Variants in ADA2 observed in about 807,000 individuals in gnomAD.
The protein encoded by ADA2 is adenosine deaminase CECR1.
In ADA2, 29 loss-of-function variants were observed where a neutral mutation model predicts 44.2. The observed-to-expected ratio is 0.66, with a 90% CI of 0.49 to 0.89. The LOEUF (loss-of-function observed/expected upper bound fraction) is 0.89, where lower values mean the gene tolerates loss of function less well. Ranked by LOEUF, ADA2 falls within the 40% of genes least tolerant of loss-of-function variation. ADA2 has a pLI of 0.00. For synonymous variants in ADA2, 215 were observed against 234.9 expected, an observed-to-expected ratio of 0.92 and a Z score of 0.77; for missense variants, 637 against 644.8, an observed-to-expected ratio of 0.99 and a Z score of 0.13.
intron 2 of ADA2, among the ~76,000 whole-genome samples, chr22:17,208,433 A>G (rs2062378729): frequency 9.5e-6 from 1 of 105,240 alleles, no homozygotes; most frequent in Admixed American, 9.6e-5. Flanking sequence ...CAAAAAAAAA[A>G]AGAAAAAAAA....
intron 4 of ADA2, chr22:17,199,529 A>G (rs1472925477): frequency 6.3e-7 from 1 of 1,591,432 alleles, no homozygotes; most frequent in South Asian, 1.1e-5. Flanking sequence ...GGATTTGCCC[A>G]ACAGGAAGTT....
Position 17,209,679 on chromosome 22 carries a change from G to A in ADA2, c.-2C>T, listed in dbSNP as rs537682205. The A allele has an allele frequency of 7.3e-5, 117 of 1,609,880 alleles. No individual in the cohort carries two copies. Among genetic ancestry groups the A allele is most frequent in the South Asian group, 5.2e-4 (47 of 90,932 alleles). The stretch of plus-strand genomic sequence containing the variant: ...CTCAGATGGGCCATCCACCAACATC[G>A]GGATGCCTGGACTAGGAAAGGGCTC... On this transcript the variant is annotated 5_prime_UTR_variant, in exon 2 of 10. Coordinates refer to ENST00000399837, the MANE Select transcript of ADA2 (RefSeq NM_001282225.2).
At chr22:17,208,936 C>G (rs1300895357) in intron 2 of ADA2, among the ~76,000 whole-genome samples, 1 of 151,966 alleles carries the variant, frequency 6.6e-6, no homozygotes, top group East Asian at 1.9e-4. Flanking sequence ...TCAAGCGATA[C>G]TCTCCACTCA....
At chr22:17,210,714 C>T (rs1235438817) in intron 1 of ADA2, among the ~76,000 whole-genome samples, 1 of 152,104 alleles carries the variant, frequency 6.6e-6, no homozygotes, top group Non-Finnish European at 1.5e-5. Flanking sequence ...TCTCGTGCCT[C>T]AGCCTCCCAA....
At chr22:17,216,057 T>C (rs929868482) in intron 1 of ADA2, among the ~76,000 whole-genome samples, 2 of 151,266 alleles carry the variant, frequency 1.3e-5, no homozygotes, top group African/African-American at 2.4e-5. Flanking sequence ...CGTGGTGGCG[T>C]GCACCTGTAA....
At chr22:17,199,918 G>A (rs1479855666) in intron 4 of ADA2, 2 of 369,810 alleles carry the variant, frequency 5.4e-6, no homozygotes, top group East Asian at 1.4e-4. Flanking sequence ...CATCTCGCCA[G>A]GCGCGGTGGC....
intron 3 of ADA2, among the ~76,000 whole-genome samples, chr22:17,206,327 C>T (rs1201290525): frequency 2.0e-5 from 3 of 151,994 alleles, no homozygotes; most frequent in Non-Finnish European, 4.4e-5. Flanking sequence ...CATGGTGGCA[C>T]ATGTCTGTAA....
upstream of ADA2, among the ~76,000 whole-genome samples, chr22:17,221,391 A>G (rs955750776): frequency 2.0e-5 from 3 of 152,064 alleles, no homozygotes; most frequent in African/African-American, 7.2e-5. Context: ...GCACCCATCA[A>G]CACATCATTT....
chr22:17,208,789 T>C (rs148637546), intron 2 of ADA2, among the ~76,000 whole-genome samples: 1,997 of 151,378 alleles, frequency 0.013, 38 homozygotes, highest in African/African-American at 0.046. Flanking sequence ...GGCAACAGAG[T>C]GAGACTCTGT....
chr22:17,191,781 G>A lies in ADA2; in HGVS notation c.783C>T (p.Asp261=), dbSNP rs150249309. 1.6e-4 allele frequency: 257 copies of A among 1,613,492 alleles called. No homozygotes were observed. The African/African-American group carries it at 3.1e-3, about 19-fold the overall frequency. The part of the protein sequence containing the change: ...PVYELSGEHH[D]EEWSVKTYQE... ...GGTAAGTCTTCACTGACCACTCTTC[G>A]TCATGGTGCTCTCCACTGAGCTCAT... is the stretch of plus-strand genomic sequence containing the variant. The change falls in exon 5 of 10, where the codon GAC becomes GAT. Residue 261 remains aspartate, a synonymous_variant. Coordinates refer to ENST00000399837, the MANE Select transcript of ADA2 (RefSeq NM_001282225.2).
chr22:17,207,203 C>A lies in ADA2; in HGVS notation c.410G>T (p.Cys137Phe). 3 of 1,614,168 alleles carry A rather than the reference C, an allele frequency of 1.9e-6. No individual in the cohort carries two copies. Among genetic ancestry groups the A allele is most frequent in the Non-Finnish European group, 1.7e-6 (2 of 1,179,992 alleles). ...CTGCATGATCCCCCTTGGGGTGAAACAGATGTGGCAGTGAGGCCTGTAGGT... is the reference window on the plus strand; with the variant it reads ...CTGCATGATCCCCCTTGGGGTGAAAAAGATGTGGCAGTGAGGCCTGTAGGT... ...NVTYRPHCHICFTPRGIMQFR... is the reference protein window; with the variant it reads ...NVTYRPHCHIFFTPRGIMQFR... The change falls in exon 3 of 10, where the codon TGT (cysteine) becomes TTT (phenylalanine). Residue 137 changes from cysteine (C) to phenylalanine (F), a missense_variant. Coordinates refer to ENST00000399837, the MANE Select transcript of ADA2 (RefSeq NM_001282225.2).
At chr22:17,208,772 C>A (rs939849832) in intron 2 of ADA2, among the ~76,000 whole-genome samples, 1 of 151,826 alleles carries the variant, frequency 6.6e-6, no homozygotes, top group Non-Finnish European at 1.5e-5. Flanking sequence ...CAGTGCACTT[C>A]AGCCTGGGCA....
At chr22:17,212,750 A>G (rs751143655) in intron 1 of ADA2, among the ~76,000 whole-genome samples, 1 of 151,424 alleles carries the variant, frequency 6.6e-6, no homozygotes, top group Non-Finnish European at 1.5e-5. Context: ...TAAATGCCCA[A>G]ATTTTTTTCT....
At chr22:17,210,606 TG>T (rs1250744412) in intron 1 of ADA2, among the ~76,000 whole-genome samples, 12 of 151,980 alleles carry the variant, frequency 7.9e-5, no homozygotes, top group African/African-American at 2.7e-4. Context: ...TTTTAATTTT[TG>T]TTTTTTTTAA....
chr22:17,189,353 C>G (rs959939939), intron 6 of ADA2, among the ~76,000 whole-genome samples: 4 of 152,094 alleles, frequency 2.6e-5, no homozygotes, highest in African/African-American at 9.7e-5. Context: ...TAAGAAATGT[C>G]CTGGTTGTGC....
chr22:17,216,272 G>C (rs2062470093), intron 1 of ADA2, among the ~76,000 whole-genome samples: 1 of 152,034 alleles, frequency 6.6e-6, no homozygotes, highest in African/African-American at 2.4e-5. Context: ...GGCTGAGGTG[G>C]GAGGATCACT....
At chr22:17,193,916 TG>T (rs1198908530) in intron 4 of ADA2, among the ~76,000 whole-genome samples, 2 of 149,432 alleles carry the variant, frequency 1.3e-5, no homozygotes, top group African/African-American at 4.9e-5. Context: ...AGCTCACGCC[TG>T]TAATCCCAGC....
At chr22:17,218,406 G>A (rs2123738620) in intron 1 of ADA2, among the ~76,000 whole-genome samples, 1 of 152,226 alleles carries the variant, frequency 6.6e-6, no homozygotes. Context: ...CAGAGTGCTG[G>A]ACGTCAGCAG....
In ADA2 at chr22:17,182,029, A is replaced by T. The variant is rs2061976776; in HGVS notation, c.1240-7T>A. On this transcript the variant is annotated splice_polypyrimidine_tract_variant and splice_region_variant and intron_variant, in intron 8 of 9. Coordinates refer to ENST00000399837, the MANE Select transcript of ADA2 (RefSeq NM_001282225.2). Reference sequence around the variant, plus strand: ...CAGACACCAGTTTCAGCACCTGCGCAATAGGAGGGAAGGGAGAAAGATGAA... The same window carrying T: ...CAGACACCAGTTTCAGCACCTGCGCTATAGGAGGGAAGGGAGAAAGATGAA... 1 of 1,608,644 alleles carries T rather than the reference A, an allele frequency of 6.2e-7. No individual in the cohort carries two copies. Among genetic ancestry groups the T allele is most frequent in the Non-Finnish European group, 8.5e-7 (1 of 1,175,984 alleles).
Sources: gnomAD v4.1 joint callset for allele counts (sites outside exome capture counted in the v4.1 genomes callset) on GRCh38, gnomAD v4.1.1 for gene constraint, MANE v1.5 for transcripts, NCBI Gene and HGNC (gene_info 2026-07-23, HGNC 2026-07-21) for gene names.